The following GPR34 variants were observed in gnomAD, a reference collection of about 807,000 sequenced individuals.
The protein encoded by GPR34 is G protein-coupled receptor 34, also known as probable G protein-coupled receptor 34.
Under a neutral mutation model 14.1 loss-of-function variants are expected in GPR34, and 3 were observed. The ratio of observed to expected loss-of-function variants is 0.21; its 90% CI spans 0.10 to 0.55. GPR34 has a LOEUF of 0.55. Ranked by LOEUF, GPR34 falls within the 20% of genes least tolerant of loss-of-function variation. GPR34 has a pLI of 0.94. For missense variants in GPR34, 213 were observed against 292.8 expected, an observed-to-expected ratio of 0.73 and a Z score of 1.99; for synonymous variants, 99 against 99.9, an observed-to-expected ratio of 0.99 and a Z score of 0.05.
At position 41,696,756 on chromosome X, in the gene GPR34, C is replaced by T. The variant is rs752491682; in HGVS notation, c.1123C>T (p.Gln375Ter). The change falls in exon 3 of 3, where the codon CAG (glutamine) becomes TAG (stop). Residue 375 changes from glutamine to a stop codon, truncating the protein, a stop_gained. Coordinates refer to ENST00000378142, the MANE Select transcript of GPR34 (RefSeq NM_001097579.2). LOFTEE classifies it high-confidence loss of function. ...TGATACATCTGTGGCAGTGAAAATACAGTCTAGTTCTAAAAGTACTTGAGG... is the reference window on the plus strand; with the variant it reads ...TGATACATCTGTGGCAGTGAAAATATAGTCTAGTTCTAAAAGTACTTGAGG... ...LHDTSVAVKI[Q>*]SSSKST is the part of the protein sequence containing the mutation. 1 of 1,175,605 alleles carries T rather than the reference C, an allele frequency of 8.5e-7. No individual in the cohort carries two copies. Among genetic ancestry groups the T allele is most frequent in the Non-Finnish European group, 1.1e-6 (1 of 872,439 alleles).
Position 41,690,194 on chromosome X carries a change from C to T in GPR34, c.-80+359C>T, listed in dbSNP as rs144709521. Among the ~76,000 whole-genome samples, 83 of 111,091 alleles carry T rather than the reference C, an allele frequency of 7.5e-4. No individual in the cohort carries two copies. The East Asian group carries it at 0.02, about 26-fold the overall frequency. ...CACAGTGGTTTGTTTCTTGTCTTCA[C>T]AAGCAATTCTTAACATATCAAACAG... On this transcript the variant is annotated intron_variant, in intron 2 of 2. Coordinates refer to ENST00000378142, the MANE Select transcript of GPR34 (RefSeq NM_001097579.2).
At chrX:41,695,441 G>A (rs1476074225) in intron 2 of GPR34, 114 bp from the exon 3 acceptor site, 2 of 365,954 alleles carry the variant, frequency 5.5e-6, no homozygotes, top group African/African-American at 2.6e-5. Context: ...GTAGCCTCCC[G>A]AGTAGCTAGG....
At chrX:41,690,410 G>C (rs2067524090) in intron 2 of GPR34, among the ~76,000 whole-genome samples, 1 of 110,342 alleles carries the variant, frequency 9.1e-6, no homozygotes, top group African/African-American at 3.3e-5. Context: ...ACAGTGGCAT[G>C]AACACAGCTC....
intron 2 of GPR34, among the ~76,000 whole-genome samples, chrX:41,690,293 GA>G (rs781742699): frequency 1.9e-5 from 2 of 104,878 alleles, no homozygotes; most frequent in African/African-American, 3.5e-5. Flanking sequence ...CTTCAAAGGA[GA>G]AAAAAAAACA....
intron 2 of GPR34, among the ~76,000 whole-genome samples, chrX:41,690,785 C>T (rs972967052): frequency 9.3e-6 from 1 of 107,982 alleles, no homozygotes; most frequent in Non-Finnish European, 1.9e-5. Context: ...GCGATCCTCC[C>T]ACCTTAGCCT....
intron 2 of GPR34, among the ~76,000 whole-genome samples, chrX:41,694,012 T>C (rs745588628): frequency 8.9e-6 from 1 of 112,244 alleles, no homozygotes; most frequent in South Asian, 3.7e-4. Context: ...TCAAATCCAC[T>C]TTGCATGGTA....
rs1489008378 is a variant in GPR34 at position 41,696,721 on chromosome X, A to G, written c.1088A>G (p.Tyr363Cys). Residue 363 changes from tyrosine (Y) to cysteine (C), a missense_variant, in exon 3 of 3, where the codon TAC becomes TGC. Physicochemically the swap from Tyr to Cys is radical, Grantham distance 194 (BLOSUM62 -2). Coordinates refer to ENST00000378142, the MANE Select transcript of GPR34 (RefSeq NM_001097579.2). ...AGCACTTCAGAATTTAAACCAGGAT[A>G]CTCCCTGCATGATACATCTGTGGCA... ...SESTSEFKPG[Y>C]SLHDTSVAVK... 8.3e-7 allele frequency: 1 copy of G among 1,206,804 alleles called. No homozygotes were observed.
At chrX:41,694,317 G>GCT (rs2067637451) in intron 2 of GPR34, among the ~76,000 whole-genome samples, 1 of 111,738 alleles carries the variant, frequency 8.9e-6, no homozygotes, top group African/African-American at 3.3e-5. Flanking sequence ...CCTTGCTCTG[G>GCT]GCATCTTTAT....
chrX:41,692,095 T>C (rs1018424752), intron 2 of GPR34, among the ~76,000 whole-genome samples: 106 of 111,587 alleles, frequency 9.5e-4, no homozygotes, highest in Non-Finnish European at 6.8e-4. Flanking sequence ...TTGTGATACC[T>C]ACCTCACAGA....
intron 2 of GPR34, among the ~76,000 whole-genome samples, chrX:41,694,853 T>G (rs747415679): frequency 5.4e-5 from 6 of 111,787 alleles, no homozygotes; most frequent in Admixed American, 9.5e-5. Flanking sequence ...TTATTCCCAC[T>G]TATAGAATGA....
intron 2 of GPR34, among the ~76,000 whole-genome samples, chrX:41,692,410 CCAATTGGTGGTAGTCT>C (rs1398504629): frequency 7.2e-5 from 8 of 111,611 alleles, no homozygotes; most frequent in Non-Finnish European, 1.5e-4. Context: ...TACAAAGAAC[CCAATTGGTGGTAGTCT>C]CAAAAATCTC....
chrX:41,695,474 C>T (rs1333182896), intron 2 of GPR34, 81 bp from the exon 3 acceptor site: 6 of 440,939 alleles, frequency 1.4e-5, no homozygotes, highest in Non-Finnish European at 2.4e-5. Flanking sequence ...TGCTGGGAAG[C>T]CCAGCCTATT....
chrX:41,695,832 G>T lies in GPR34; in HGVS notation c.199G>T (p.Val67Leu). 2 of 1,203,023 alleles carry T rather than the reference G, an allele frequency of 1.7e-6. No individual in the cohort carries two copies. Among genetic ancestry groups the T allele is most frequent in the Non-Finnish European group, 2.3e-6 (2 of 887,578 alleles). ...CACATCCTACTCTGTTATTTTCATC[G>T]TGGGACTGGTTGGGAACATAATCGC... Reference protein sequence around the residue: ...LTTSYSVIFIVGLVGNIIALY... With the variant: ...LTTSYSVIFILGLVGNIIALY... Residue 67 changes from valine to leucine, a missense_variant, in exon 3 of 3, where the codon GTG (valine) becomes TTG (leucine). Transcript: ENST00000378142.
chrX:41,693,138 T>C (rs959809434), intron 2 of GPR34, among the ~76,000 whole-genome samples: 1 of 111,709 alleles, frequency 9.0e-6, no homozygotes, highest in Non-Finnish European at 1.9e-5. Context: ...ACTTGAGCTC[T>C]CAAAATCACA....
chrX:41,696,859 G>C lies in GPR34; in HGVS notation c.*80G>C, dbSNP rs2067699741. Reference sequence around the variant, plus strand: ...TAAAAAATTAGGAAACAAAGTTCTAGCATTTACAAAACTCAGATCTCAAAG... The same window carrying C: ...TAAAAAATTAGGAAACAAAGTTCTACCATTTACAAAACTCAGATCTCAAAG... On this transcript the variant is annotated 3_prime_UTR_variant, in exon 3 of 3. Coordinates refer to ENST00000378142, the MANE Select transcript of GPR34 (RefSeq NM_001097579.2). 1 of 625,887 alleles carries C rather than the reference G, an allele frequency of 1.6e-6. No individual in the cohort carries two copies. The highest frequency in any genetic ancestry group is 4.4e-5 in the Admixed American group (1 of 22,708). The allele number at this position is 625,887 out of a possible 1,213,427, so 51.6% of individuals were successfully genotyped here. A position where few individuals can be genotyped will look rare whatever the true frequency, so the allele number is the denominator to read the frequency against.
rs2067685555 is a variant in GPR34, at chrX:41,696,163, T to C, written c.530T>C (p.Ile177Thr). 4.1e-6 allele frequency: 5 copies of C among 1,207,082 alleles called. No individual in the cohort carries two copies. The highest frequency in any genetic ancestry group is 5.9e-5 in the East Asian group (2 of 33,840). Residue 177 changes from isoleucine (I) to threonine (T), a missense_variant, in exon 3 of 3, where the codon ATA becomes ACA. Ile to Thr is a moderately conservative substitution (Grantham distance 89). Coordinates refer to ENST00000378142, the MANE Select transcript of GPR34 (RefSeq NM_001097579.2). Reference sequence around the variant, plus strand: ...AAACAAAGTATTTATGTCTGTTGTATAGTATGGATGCTTGCTCTTGGTGGA... The same window carrying C: ...AAACAAAGTATTTATGTCTGTTGTACAGTATGGATGCTTGCTCTTGGTGGA... ...TTKQSIYVCC[I>T]VWMLALGGFL... is the part of the protein sequence containing the mutation.
At chrX:41,689,524 T>C (rs2067503996) in intron 1 of GPR34, among the ~76,000 whole-genome samples, 1 of 111,904 alleles carries the variant, frequency 8.9e-6, no homozygotes, top group Non-Finnish European at 1.9e-5. Context: ...TTATTACTAT[T>C]TTATAGTATT....
rs1259311921 is a variant in GPR34 at position 41,694,024 on chromosome X, C to T, written c.-79-1531C>T. Among the ~76,000 whole-genome samples, 3 of 111,932 alleles carry T rather than the reference C, an allele frequency of 2.7e-5. No individual in the cohort carries two copies. In the Admixed American group the frequency reaches 2.9e-4, roughly 11 times the overall value. Reference sequence around the variant, plus strand: ...AATTCAAATCCACTTTGCATGGTAGCAGTCAGGGTTTGAATGTCCACTCCT... The same window carrying T: ...AATTCAAATCCACTTTGCATGGTAGTAGTCAGGGTTTGAATGTCCACTCCT... On this transcript the variant is annotated intron_variant, in intron 2 of 2. Coordinates refer to ENST00000378142, the MANE Select transcript of GPR34 (RefSeq NM_001097579.2).
intron 2 of GPR34, among the ~76,000 whole-genome samples, chrX:41,690,537 T>G (rs1025012927): frequency 1.9e-5 from 2 of 106,985 alleles, no homozygotes; most frequent in Non-Finnish European, 3.9e-5. Flanking sequence ...TTTTGGTATT[T>G]TTTAGTAGAG....
Sources: gnomAD v4.1 joint callset for allele counts (sites outside exome capture counted in the v4.1 genomes callset) on GRCh38, gnomAD v4.1.1 for gene constraint, MANE v1.5 for transcripts, NCBI Gene and HGNC (gene_info 2026-07-23, HGNC 2026-07-21) for gene names.